The following ASB10 variants were observed in gnomAD, a reference collection of about 807,000 sequenced individuals.
ASB10 encodes ankyrin repeat and SOCS box protein 10.
In ASB10, 44 loss-of-function variants were observed where a neutral mutation model predicts 35.4. The observed-to-expected ratio is 1.24, with a 90% CI of 0.98 to 1.60. ASB10 has a LOEUF of 1.60. Ranked by LOEUF, ASB10 falls within the 40% of genes most tolerant of loss-of-function variation. The pLI is 0.00. For missense variants in ASB10, 647 were observed against 634.3 expected, an observed-to-expected ratio of 1.02 and a Z score of -0.22; for synonymous variants, 294 against 280.4, an observed-to-expected ratio of 1.05 and a Z score of -0.49.
In ASB10 at chr7:151,186,797, C is replaced by A; in HGVS notation, c.316+18G>T. ...TCCCCTCTCTCCCACTGAGAGCCCC[C>A]AGTGCCCCGGCCCGTACTCAGAGCA... is the stretch of plus-strand genomic sequence containing the variant. On this transcript the variant is annotated intron_variant, in intron 1 of 5. Coordinates refer to ENST00000420175, the MANE Select transcript of ASB10 (RefSeq NM_001142459.2). The A allele has an allele frequency of 5.8e-6, 9 of 1,561,538 alleles. No individual in the cohort carries two copies. Among genetic ancestry groups the A allele is most frequent in the African/African-American group, 1.3e-5 (1 of 74,190 alleles).
Position 151,187,023 on chromosome 7 carries a change from C to A in ASB10, c.108G>T (p.Glu36Asp), listed in dbSNP as rs774954211. Reference protein sequence around the residue: ...RLVEKPSRGSEEHLKSGPGPI... With the variant: ...RLVEKPSRGSDEHLKSGPGPI... ...GTCCCGGGCCAGACTTGAGGTGCTC[C>A]TCAGACCCTCTGCTGGGCTTCTCCA... The change falls in exon 1 of 6, where the codon GAG (glutamate) becomes GAT (aspartate). Residue 36 changes from glutamate to aspartate, a missense_variant. Physicochemically the swap from Glu to Asp is conservative, Grantham distance 45 (BLOSUM62 2). Transcript: ENST00000420175. The surrounding 1 kb of genome is among the most constrained non-coding windows in gnomAD (Gnocchi z 5.3). The A allele has an allele frequency of 1.2e-6, 2 of 1,610,964 alleles. No individual in the cohort carries two copies. Among genetic ancestry groups the A allele is most frequent in the Admixed American group, 3.3e-5 (2 of 59,850 alleles).
intron 2 of ASB10, among the ~76,000 whole-genome samples, chr7:151,184,679 T>C (rs534812992): frequency 2.8e-4 from 42 of 152,162 alleles, no homozygotes; most frequent in African/African-American, 8.7e-4. Flanking sequence ...GTGGCGATGG[T>C]TGAACAACAA....
chr7:151,186,626 G>T lies in ASB10; in HGVS notation c.350C>A (p.Thr117Asn), dbSNP rs1041561810. The stretch of plus-strand genomic sequence containing the variant: ...GCTGGCTGCCACATGCAGTGGGGTG[G>T]TCAGCTCCTCTTCGTATGTCAGAGA... ...LWSLTYEEEL[T>N]TPLHVAASRG... Residue 117 changes from threonine (T) to asparagine (N), a missense_variant, in exon 2 of 6, where the codon ACC becomes AAC. Coordinates refer to ENST00000420175, the MANE Select transcript of ASB10 (RefSeq NM_001142459.2). The T allele has an allele frequency of 2.8e-5, 45 of 1,611,258 alleles. 1 individual carries two copies. The highest frequency in any genetic ancestry group is 3.8e-5 in the Non-Finnish European group (45 of 1,179,190).
intron 2 of ASB10, among the ~76,000 whole-genome samples, chr7:151,184,758 C>G (rs146222659): frequency 0.02 from 2,996 of 152,170 alleles, 103 homozygotes; most frequent in African/African-American, 0.067. Context: ...CACGGTGGCT[C>G]GTGCCTGGAA....
In ASB10 at chr7:151,186,860, C is replaced by T. The variant is rs104886490; in HGVS notation, c.271G>A (p.Asp91Asn). ...CGGAAATCCCTCCATCGCTCTGGGT[C>T]GCTGGTATCAAAGACGGAATCAGGA... Reference protein sequence around the residue: ...LAPDSVFDTSDPERWRDFRFN... With the variant: ...LAPDSVFDTSNPERWRDFRFN... The change falls in exon 1 of 6, where the codon GAC (aspartate) becomes AAC (asparagine). Residue 91 changes from aspartate (D) to asparagine (N), a missense_variant. Coordinates refer to ENST00000420175, the MANE Select transcript of ASB10 (RefSeq NM_001142459.2). 1.3e-5 allele frequency: 21 copies of T among 1,612,240 alleles called. No individual in the cohort carries two copies. Among genetic ancestry groups the T allele is most frequent in the Non-Finnish European group, 1.4e-5 (17 of 1,178,936 alleles).
chr7:151,180,313 G>T (rs1247600152), intron 3 of ASB10, among the ~76,000 whole-genome samples: 1 of 152,238 alleles, frequency 6.6e-6, no homozygotes, highest in Non-Finnish European at 1.5e-5. Context: ...AATTGAAATT[G>T]ACAGTGAAAG....
At chr7:151,183,404 T>C (rs1801530035) in intron 2 of ASB10, among the ~76,000 whole-genome samples, 1 of 152,016 alleles carries the variant, frequency 6.6e-6, no homozygotes, top group Admixed American at 6.5e-5. Flanking sequence ...AGACCCTATC[T>C]CTCTCTCTTT....
chr7:151,177,880 C>T lies in ASB10; in HGVS notation c.1105-1204G>A, dbSNP rs180676908. Among the ~76,000 whole-genome samples, 550 of 152,312 alleles carry T rather than the reference C, an allele frequency of 3.6e-3. 9 individuals are homozygous for T. The highest frequency in any genetic ancestry group is 6.4e-3 in the South Asian group (31 of 4,830). On this transcript the variant is annotated intron_variant, in intron 3 of 5. Transcript: ENST00000420175. ...GTGGGGAAAATAAAGTCCTCGTCATCCAAGAGCTTCTATTTCAGAGGGAAA... is the reference window on the plus strand; with the variant it reads ...GTGGGGAAAATAAAGTCCTCGTCATTCAAGAGCTTCTATTTCAGAGGGAAA...
rs533635252 is a variant in ASB10 at position 151,186,947 on chromosome 7, C to T, written c.184G>A (p.Val62Met). The T allele has an allele frequency of 2.6e-4, 412 of 1,613,808 alleles. 5 individuals are homozygous for T. In the South Asian group the frequency reaches 4.3e-3, roughly 17 times the overall value. ...SGPALAFWQA[V>M]LAGDVGCVSR... Reference sequence around the variant, plus strand: ...ACACAGCCCACGTCCCCAGCCAGCACTGCCTGCCAGAAGGCAAGGGCAGGT... The same window carrying T: ...ACACAGCCCACGTCCCCAGCCAGCATTGCCTGCCAGAAGGCAAGGGCAGGT... The change falls in exon 1 of 6, where the codon GTG (valine) becomes ATG (methionine). Residue 62 changes from valine to methionine, a missense_variant. Physicochemically the swap from Val to Met is conservative, Grantham distance 21. Transcript: ENST00000420175.
At chr7:151,184,429 C>G (rs926406525) in intron 2 of ASB10, among the ~76,000 whole-genome samples, 6 of 151,700 alleles carry the variant, frequency 4.0e-5, no homozygotes, top group Non-Finnish European at 7.4e-5. Flanking sequence ...GAAGGAAATT[C>G]TGAAACATGG....
intron 3 of ASB10, among the ~76,000 whole-genome samples, chr7:151,176,996 A>G (rs770759210): frequency 4.8e-4 from 73 of 152,356 alleles, no homozygotes; most frequent in Non-Finnish European, 2.9e-4. Context: ...CACATGTACA[A>G]GTCAAAGGAC....
chr7:151,187,576 G>A, upstream of ASB10: 2 of 1,551,208 alleles, frequency 1.3e-6, no homozygotes, highest in Non-Finnish European at 1.7e-6. The surrounding 1 kb of genome is among the most constrained non-coding windows in gnomAD (Gnocchi z 5.3). Flanking sequence ...CATTCTGCAG[G>A]GCCATGTCTT....
Position 151,186,527 on chromosome 7 carries a change from G to T in ASB10, c.449C>A (p.Thr150Asn), listed in dbSNP as rs375273039. ...ARPDSAPGGR[T>N]ALHEACAAGH... ...TGCAGCACAGGCCTCGTGCAGGGCG[G>T]TGCGGCCCCCAGGGGCACTGTCTGG... is the stretch of plus-strand genomic sequence containing the variant. The change falls in exon 2 of 6, where the codon ACC (threonine) becomes AAC (asparagine). Residue 150 changes from threonine (T) to asparagine (N), a missense_variant. Transcript: ENST00000420175. The T allele has an allele frequency of 1.9e-5, 31 of 1,603,580 alleles. No homozygotes were observed. The East Asian group carries it at 5.2e-4, about 27-fold the overall frequency.
Position 151,176,112 on chromosome 7 carries a change from C to T in ASB10, c.1404G>A (p.Ter468=). ...LQLDFEGVLY[*] is the part of the protein sequence containing the mutation. ...ACTGCTCACAGATCCCGGGGCTCAC[C>T]TAGTAGAGCACGCCCTCAAAATCCA... The change falls in exon 5 of 6, where the codon TAG becomes TAA. Residue 468 remains the stop codon, a splice_region_variant and stop_retained_variant. Coordinates refer to ENST00000420175, the MANE Select transcript of ASB10 (RefSeq NM_001142459.2). The T allele has an allele frequency of 2.5e-6, 4 of 1,611,082 alleles. No individual in the cohort carries two copies. The highest frequency in any genetic ancestry group is 2.5e-6 in the Non-Finnish European group (3 of 1,179,714).
chr7:151,183,239 A>G (rs1434647581), intron 2 of ASB10, among the ~76,000 whole-genome samples: 1 of 152,196 alleles, frequency 6.6e-6, no homozygotes, highest in African/African-American at 2.4e-5. Context: ...AGTGAGACCC[A>G]TCTCCACAAA....
rs528931005 is a variant in ASB10, at chr7:151,184,281, T to C, written c.584+2111A>G. On this transcript the variant is annotated intron_variant, in intron 2 of 5. Coordinates refer to ENST00000420175, the MANE Select transcript of ASB10 (RefSeq NM_001142459.2). ...TACAAAAAGTAGCCGGGTGCGGTGGTGGGCGCCTGTAGTTCCAGCTACTCG... is the reference window on the plus strand; with the variant it reads ...TACAAAAAGTAGCCGGGTGCGGTGGCGGGCGCCTGTAGTTCCAGCTACTCG... 7.9e-4 allele frequency among the ~76,000 whole-genome samples: 119 copies of C among 151,412 alleles called. 1 individual carries two copies. The highest frequency in any genetic ancestry group is 2.8e-3 in the African/African-American group (114 of 41,256).
chr7:151,182,868 A>T (rs1329512611), intron 2 of ASB10, among the ~76,000 whole-genome samples: 1 of 152,198 alleles, frequency 6.6e-6, no homozygotes, highest in East Asian at 1.9e-4. Context: ...AGGGTGATGG[A>T]TTGTGGGAGC....
At chr7:151,181,523 G>T in intron 2 of ASB10, 65 bp from the exon 3 acceptor site, 2 of 1,488,604 alleles carry the variant, frequency 1.3e-6, no homozygotes, top group Non-Finnish European at 1.8e-6. Context: ...ACACACTTGG[G>T]TGGCTCTTGG....
In ASB10 at chr7:151,187,151, G is replaced by A; in HGVS notation, c.-21C>T. 3.2e-6 allele frequency: 5 copies of A among 1,566,672 alleles called. No homozygotes were observed. Among genetic ancestry groups the A allele is most frequent in the Admixed American group, 1.9e-5 (1 of 52,046 alleles). On this transcript the variant is annotated 5_prime_UTR_variant, in exon 1 of 6. Transcript: ENST00000420175. This position sits in a 1 kb window ranked among gnomAD's most constrained non-coding sequence, Gnocchi z 5.3. Reference sequence around the variant, plus strand: ...AGCATGTGGGCAGGGAAAGGGGAGTGGGGAGGAGGAGAGGTATATGCCAAA... The same window carrying A: ...AGCATGTGGGCAGGGAAAGGGGAGTAGGGAGGAGGAGAGGTATATGCCAAA...
Sources: gnomAD v4.1 joint callset for allele counts (sites outside exome capture counted in the v4.1 genomes callset) on GRCh38, gnomAD v4.1.1 for gene constraint, Gnocchi (gnomAD v3.1) non-coding constraint, MANE v1.5 for transcripts, NCBI Gene and HGNC (gene_info 2026-07-23, HGNC 2026-07-21) for gene names.